The following SLITRK4 variants were observed in gnomAD, a reference collection of about 807,000 sequenced individuals.
SLITRK4 encodes the protein SLIT and NTRK-like protein 4.
Under a neutral mutation model 34.7 loss-of-function variants are expected in SLITRK4, and 7 were observed. The observed-to-expected ratio is 0.20, with a 90% CI of 0.11 to 0.38. SLITRK4 has a LOEUF of 0.38. Ranked by LOEUF, SLITRK4 falls within the 10% of genes least tolerant of loss-of-function variation. The pLI is 1.00. For synonymous variants in SLITRK4, 237 were observed against 246.2 expected, an observed-to-expected ratio of 0.96 and a Z score of 0.35; for missense variants, 474 against 607.0, an observed-to-expected ratio of 0.78 and a Z score of 2.30.
Position 143,624,126 on chromosome X carries a change from A to C in SLITRK4, c.*4469T>G, listed in dbSNP as rs1930711317. 1 of 111,502 alleles carries C rather than the reference A, an allele frequency of 9.0e-6. No individual in the cohort carries two copies. The highest frequency in any genetic ancestry group is 1.9e-5 in the Non-Finnish European group (1 of 52,889). The allele number at this position is 111,502 out of a possible 1,213,427, so 9.2% of individuals were successfully genotyped here. On this transcript the variant is annotated 3_prime_UTR_variant, in exon 2 of 2. Coordinates refer to ENST00000356928, the MANE Select transcript of SLITRK4 (RefSeq NM_001184749.3). ...TTCTTACCATAAATATATGAACCTT[A>C]AACCCACTGTATTGGTCAATATAGT...
chrX:143,633,519 C>T (rs781937185), intron 1 of SLITRK4, among the ~76,000 whole-genome samples: 1 of 111,184 alleles, frequency 9.0e-6, no homozygotes, highest in South Asian at 4.0e-4. Flanking sequence ...TCTCGGTGCC[C>T]TGAAAGACCC....
chrX:143,633,465 T>C (rs1931114920), intron 1 of SLITRK4, among the ~76,000 whole-genome samples: 1 of 109,995 alleles, frequency 9.1e-6, no homozygotes, highest in Admixed American at 9.5e-5. Flanking sequence ...ACCAGCTGGG[T>C]ACCAAGAGCC....
At chrX:143,631,361 A>C (rs1238182910) in intron 1 of SLITRK4, among the ~76,000 whole-genome samples, 1 of 111,522 alleles carries the variant, frequency 9.0e-6, no homozygotes, top group East Asian at 2.8e-4. Context: ...TGTGGTTTAT[A>C]CCAAATTCAC....
Position 143,627,498 on chromosome X carries a change from T to A in SLITRK4, c.*1097A>T. 9.0e-6 allele frequency: 1 copy of A among 111,111 alleles called. No homozygotes were observed. The highest frequency in any genetic ancestry group is 9.7e-5 in the Admixed American group (1 of 10,359). 9.2% of individuals were successfully genotyped at this position (111,111 alleles called of 1,213,427 possible). On this transcript the variant is annotated 3_prime_UTR_variant, in exon 2 of 2. Transcript: ENST00000356928. Reference sequence around the variant, plus strand: ...TTTTCTTTTCTGTTTGTTTTAAATTTTTTTTGTTTTTAAGTTACACCTGAT... The same window carrying A: ...TTTTCTTTTCTGTTTGTTTTAAATTATTTTTGTTTTTAAGTTACACCTGAT...
At chrX:143,635,481 AACACACACACACACACACACACAC>A (rs782006427) in intron 1 of SLITRK4, among the ~76,000 whole-genome samples, 54 of 55,251 alleles carry the variant, frequency 9.8e-4, no homozygotes, top group African/African-American at 2.7e-3. Flanking sequence ...ATAACGAAGG[AACACACACACACACACACACACAC>A]ACACACACAC....
In SLITRK4 at chrX:143,628,131, T is replaced by TTTTTTTTTTTTTTTTTTTTG; in HGVS notation, c.*463_*464insCAAAAAAAAAAAAAAAAAAA. On this transcript the variant is annotated 3_prime_UTR_variant, in exon 2 of 2. Transcript: ENST00000356928. Reference sequence around the variant, plus strand: ...TTTTTTTTTTTTTTTTTTTTTTACTTTTCAGATAATCTTTACACGGAGTTG... The same window carrying TTTTTTTTTTTTTTTTTTTTG: ...TTTTTTTTTTTTTTTTTTTTTTACTTTTTTTTTTTTTTTTTTTTTGTTCAGATAATCTTTACACGGAGTTG... The TTTTTTTTTTTTTTTTTTTTG allele has an allele frequency of 5.0e-6, 1 of 198,719 alleles. No individual in the cohort carries two copies. The highest frequency in any genetic ancestry group is 8.1e-5 in the East Asian group (1 of 12,360). 16.4% of individuals were successfully genotyped at this position (198,719 alleles called of 1,213,427 possible). A position where few individuals can be genotyped will look rare whatever the true frequency, so the allele number is the denominator to read the frequency against.
Position 143,625,067 on chromosome X carries a change from G to C in SLITRK4, c.*3528C>G, listed in dbSNP as rs1450731531. On this transcript the variant is annotated 3_prime_UTR_variant, in exon 2 of 2. Coordinates refer to ENST00000356928, the MANE Select transcript of SLITRK4 (RefSeq NM_001184749.3). ...TACAAATCATGCAAAAAATGTTATAGATTAATATTACCACCATACATTTCT... is the reference window on the plus strand; with the variant it reads ...TACAAATCATGCAAAAAATGTTATACATTAATATTACCACCATACATTTCT... 1 of 110,901 alleles carries C rather than the reference G, an allele frequency of 9.0e-6. No individual in the cohort carries two copies. The highest frequency in any genetic ancestry group is 9.6e-5 in the Admixed American group (1 of 10,412). The allele number at this position is 110,901 out of a possible 1,213,427, so 9.1% of individuals were successfully genotyped here.
chrX:143,629,175 C>T lies in SLITRK4; in HGVS notation c.1934G>A (p.Arg645His), dbSNP rs997536820. 9.9e-6 allele frequency: 12 copies of T among 1,209,396 alleles called. No individual in the cohort carries two copies. Among genetic ancestry groups the T allele is most frequent in the African/African-American group, 8.8e-5 (5 of 57,021 alleles). ...AFCLLVFVLR[R>H]NKKPTVKHEG... ...GTGCTTCACTGTGGGTTTCTTGTTGCGTCGCAGGACAAAAACAAGAAGGCA... is the reference window on the plus strand; with the variant it reads ...GTGCTTCACTGTGGGTTTCTTGTTGTGTCGCAGGACAAAAACAAGAAGGCA... Residue 645 changes from arginine to histidine, a missense_variant, in exon 2 of 2, where the codon CGC becomes CAC. This residue lies in a region of SLITRK4 where 345 missense variants were observed against 406.5 expected (regional missense o/e 0.85). Coordinates refer to ENST00000356928, the MANE Select transcript of SLITRK4 (RefSeq NM_001184749.3).
At position 143,624,583 on chromosome X, in the gene SLITRK4, T is replaced by G. The variant is rs1339455252; in HGVS notation, c.*4012A>C. The G allele has an allele frequency of 9.0e-6, 1 of 111,255 alleles. No homozygotes were observed. Among genetic ancestry groups the G allele is most frequent in the African/African-American group, 3.3e-5 (1 of 30,749 alleles). 9.2% of individuals were successfully genotyped at this position (111,255 alleles called of 1,213,427 possible). ...AGAGATTTAGCAGTTAAGTTGAATATAAACAGTAGGCTAAAGCTATATCTT... is the reference window on the plus strand; with the variant it reads ...AGAGATTTAGCAGTTAAGTTGAATAGAAACAGTAGGCTAAAGCTATATCTT... On this transcript the variant is annotated 3_prime_UTR_variant, in exon 2 of 2. Coordinates refer to ENST00000356928, the MANE Select transcript of SLITRK4 (RefSeq NM_001184749.3).
At chrX:143,632,041 G>A (rs1380550544) in intron 1 of SLITRK4, among the ~76,000 whole-genome samples, 1 of 111,239 alleles carries the variant, frequency 9.0e-6, no homozygotes, top group Non-Finnish European at 1.9e-5. Flanking sequence ...TGCCTCCCTG[G>A]CCCTCTCCCA....
Position 143,629,314 on chromosome X carries a change from T to A in SLITRK4, c.1795A>T (p.Thr599Ser). 8.3e-7 allele frequency: 1 copy of A among 1,212,015 alleles called. No individual in the cohort carries two copies. Among genetic ancestry groups the A allele is most frequent in the Non-Finnish European group, 1.1e-6 (1 of 895,544 alleles). The part of the protein sequence containing the change: ...APFTSPAPAI[T>S]FTTPLGPIRS... Reference sequence around the variant, plus strand: ...ATGGGACCCAAAGGAGTGGTGAATGTAATGGCAGGTGCAGGGCTTGTGAAT... The same window carrying A: ...ATGGGACCCAAAGGAGTGGTGAATGAAATGGCAGGTGCAGGGCTTGTGAAT... Residue 599 changes from threonine to serine, a missense_variant, in exon 2 of 2, where the codon ACA becomes TCA. Physicochemically the swap from Thr to Ser is moderately conservative, Grantham distance 58. This residue lies in a region of SLITRK4 where 345 missense variants were observed against 406.5 expected (regional missense o/e 0.85). Transcript: ENST00000356928.
At position 143,629,852 on chromosome X, in the gene SLITRK4, G is replaced by A. The variant is rs1556427049; in HGVS notation, c.1257C>T (p.Asp419=). Residue 419 remains aspartate (D), a synonymous_variant, in exon 2 of 2, where the codon GAC becomes GAT. Transcript: ENST00000356928. ...GTAAATTAGTGAGATTGTGAAATAC[G>A]TCTCCCTTAATCACTGTAATTTGAT... ...GSNQITVIKG[D]VFHNLTNLRR... is the part of the protein sequence containing the mutation. The A allele has an allele frequency of 1.5e-5, 18 of 1,208,522 alleles. No individual in the cohort carries two copies. Among genetic ancestry groups the A allele is most frequent in the Middle Eastern group, 2.3e-4 (1 of 4,363 alleles).
In SLITRK4 at chrX:143,629,254, T is replaced by C. The variant is rs1159999228; in HGVS notation, c.1855A>G (p.Ile619Val). 10 of 1,210,017 alleles carry C rather than the reference T, an allele frequency of 8.3e-6. No homozygotes were observed. The highest frequency in any genetic ancestry group is 1.8e-5 in the African/African-American group (1 of 57,101). ...ACCACTAAGATACTTAAGATTAAAA[T>C]AGACAGAGGCACTGGCCCACCAGGA... ...SPPGGPVPLSILILSILVVLI... is the reference protein window; with the variant it reads ...SPPGGPVPLSVLILSILVVLI... The change falls in exon 2 of 2, where the codon ATT becomes GTT. Residue 619 changes from isoleucine (I) to valine (V), a missense_variant. By Grantham distance (29) the Ile-to-Val change is conservative. Around this residue, in one of 3 missense-constraint regions of SLITRK4, gnomAD observed 345 missense variants for 406.5 expected, o/e 0.85. Transcript: ENST00000356928.
At position 143,624,342 on chromosome X, in the gene SLITRK4, G is replaced by C. The variant is rs1190653488; in HGVS notation, c.*4253C>G. On this transcript the variant is annotated 3_prime_UTR_variant, in exon 2 of 2. Transcript: ENST00000356928. The stretch of plus-strand genomic sequence containing the variant: ...GGCAAACTGGCAATGGAATACAGAG[G>C]TACTGAAGGGTTTCTAAAAGTATTT... 9.0e-6 allele frequency: 1 copy of C among 111,652 alleles called. No individual in the cohort carries two copies. The highest frequency in any genetic ancestry group is 1.9e-5 in the Non-Finnish European group (1 of 52,957). The allele number at this position is 111,652 out of a possible 1,213,427, so 9.2% of individuals were successfully genotyped here. A position where few individuals can be genotyped will look rare whatever the true frequency, so the allele number is the denominator to read the frequency against.
chrX:143,628,632 T>C lies in SLITRK4; in HGVS notation c.2477A>G (p.Gln826Arg), dbSNP rs1373832828. The change falls in exon 2 of 2, where the codon CAG becomes CGG. Residue 826 changes from glutamine to arginine, a missense_variant. Transcript: ENST00000356928. Reference protein sequence around the residue: ...AKLQSSPDYLQVLEEQTALNK... With the variant: ...AKLQSSPDYLRVLEEQTALNK... Reference sequence around the variant, plus strand: ...CAAAGCTGTTTGCTCCTCAAGGACCTGTAGGTAGTCAGGGGAACTCTGCAG... The same window carrying C: ...CAAAGCTGTTTGCTCCTCAAGGACCCGTAGGTAGTCAGGGGAACTCTGCAG... The C allele has an allele frequency of 4.2e-6, 5 of 1,204,518 alleles. No individual in the cohort carries two copies. The highest frequency in any genetic ancestry group is 5.6e-6 in the Non-Finnish European group (5 of 892,961).
At position 143,625,146 on chromosome X, in the gene SLITRK4, CCCT is replaced by C. The variant is rs1182492750; in HGVS notation, c.*3446_*3448del. 2 of 110,382 alleles carry C rather than the reference CCCT, an allele frequency of 1.8e-5. No individual in the cohort carries two copies. Among genetic ancestry groups the C allele is most frequent in the Non-Finnish European group, 3.8e-5 (2 of 52,549 alleles). The allele number at this position is 110,382 out of a possible 1,213,427, so 9.1% of individuals were successfully genotyped here. A position where few individuals can be genotyped will look rare whatever the true frequency, so the allele number is the denominator to read the frequency against. On this transcript the variant is annotated 3_prime_UTR_variant, in exon 2 of 2. Transcript: ENST00000356928. ...TGTTGATGTTACTCATAAGGTCATGCCCTGTATAATTTATGCATCCTTATGGCT... is the reference window on the plus strand; with the variant it reads ...TGTTGATGTTACTCATAAGGTCATGCGTATAATTTATGCATCCTTATGGCT...
Position 143,630,122 on chromosome X carries a change from A to C in SLITRK4, c.987T>G (p.Ile329Met). 8.3e-7 allele frequency: 1 copy of C among 1,212,036 alleles called. No individual in the cohort carries two copies. Among genetic ancestry groups the C allele is most frequent in the Non-Finnish European group, 1.1e-6 (1 of 895,637 alleles). Residue 329 changes from isoleucine to methionine, a missense_variant, in exon 2 of 2, where the codon ATT becomes ATG. Transcript: ENST00000356928. ...GAGGCACCCTTGTTTGGTAAGACAC[A>C]ATCTGACTGAGATTGCGGTTGGAGA... is the stretch of plus-strand genomic sequence containing the variant. ...KALSNRNLSQ[I>M]VSYQTRVPPL...
rs1163109428 is a variant in SLITRK4 at position 143,629,459 on chromosome X, G to A, written c.1650C>T (p.Ser550=). The change falls in exon 2 of 2, where the codon AGC becomes AGT. Residue 550 remains serine (S), a synonymous_variant. Transcript: ENST00000356928. The part of the protein sequence containing the change: ...VALKLWVEKL[S]DGIVVKELKC... ...TCAGTTCTTTCACAACAATCCCGTC[G>A]CTCAACTTCTCCACCCACAGCTTTA... The A allele has an allele frequency of 2.8e-5, 34 of 1,211,464 alleles. 1 individual carries two copies. Among genetic ancestry groups the A allele is most frequent in the South Asian group, 5.3e-5 (3 of 56,964 alleles).
At position 143,631,070 on chromosome X, in the gene SLITRK4, A is replaced by G. The variant is rs1448701782; in HGVS notation, c.39T>C (p.Ile13=). Residue 13 remains isoleucine, a synonymous_variant, in exon 2 of 2, where the codon ATT becomes ATC. Transcript: ENST00000356928. The part of the protein sequence containing the change: ...LWLFLILSAL[I]SSTNADSDIS... ...TGTCAGAATCTGCATTTGTCGAAGA[A>G]ATCAGGGCTGACAAAATCAGAAACA... is the stretch of plus-strand genomic sequence containing the variant. 2 of 1,186,987 alleles carry G rather than the reference A, an allele frequency of 1.7e-6. No individual in the cohort carries two copies. The highest frequency in any genetic ancestry group is 5.9e-5 in the East Asian group (2 of 33,637).
Sources: gnomAD v4.1 joint callset for allele counts (sites outside exome capture counted in the v4.1 genomes callset) on GRCh38, gnomAD v4.1.1 for gene constraint, gnomAD v4.1.1 regional missense constraint, MANE v1.5 for transcripts, NCBI Gene and HGNC (gene_info 2026-07-23, HGNC 2026-07-21) for gene names.